The following DMD variants were observed in gnomAD, a reference collection of about 807,000 sequenced individuals.
DMD encodes the protein dystrophin.
DMD carries 63 observed loss-of-function variants against 330.1 expected under a neutral mutation model. The observed-to-expected ratio is 0.19, with a 90% CI of 0.16 to 0.24. The LOEUF (loss-of-function observed/expected upper bound fraction) is 0.24. Among genes scored for constraint, DMD ranks in the 10% least tolerant of loss-of-function variants. DMD has a pLI of 1.00. For missense variants in DMD, 3,344 were observed against 2,684.1 expected (o/e 1.25, Z -5.43); for synonymous variants, 1,223 against 959.8 (o/e 1.27, Z -5.07).
At chrX:31,278,169 T>C (rs948642851) in intron 62 of DMD, among the ~76,000 whole-genome samples, 1 of 111,366 alleles carries the variant, frequency 9.0e-6, no homozygotes, top group Non-Finnish European at 1.9e-5. Flanking sequence ...GGATGACATA[T>C]AAAATTAATT....
intron 44 of DMD, among the ~76,000 whole-genome samples, chrX:32,191,691 A>G (rs1169753476): frequency 8.9e-6 from 1 of 111,852 alleles, no homozygotes; most frequent in African/African-American, 3.2e-5. Context: ...AAAATGACAT[A>G]CTATTTCCAT....
At chrX:33,022,132 C>T (rs1003255889) in intron 1 of DMD, among the ~76,000 whole-genome samples, 2 of 111,194 alleles carry the variant, frequency 1.8e-5, no homozygotes, top group African/African-American at 3.3e-5. Flanking sequence ...CATGTGCATG[C>T]GTACTTTCTG....
intron 52 of DMD, among the ~76,000 whole-genome samples, chrX:31,685,605 C>G (rs367927456): frequency 9.0e-4 from 101 of 112,414 alleles, no homozygotes; most frequent in African/African-American, 3.1e-3. Flanking sequence ...AAGGCAAGGA[C>G]AGAATCTGTA....
chrX:31,270,724 G>A (rs1420347172), intron 62 of DMD, among the ~76,000 whole-genome samples: 1 of 112,084 alleles, frequency 8.9e-6, no homozygotes, highest in African/African-American at 3.2e-5. Context: ...ATTAAAGCAT[G>A]AGTGTGGCTC....
At chrX:32,218,734 C>A (rs1360152967) in intron 43 of DMD, among the ~76,000 whole-genome samples, 1 of 111,383 alleles carries the variant, frequency 9.0e-6, no homozygotes, top group East Asian at 2.8e-4. Context: ...ATTATTATTC[C>A]CATTTTCCAT....
At chrX:32,253,349 T>G (rs933002545) in intron 43 of DMD, among the ~76,000 whole-genome samples, 4 of 110,825 alleles carry the variant, frequency 3.6e-5, no homozygotes, top group Admixed American at 9.8e-5. Context: ...AAGTTTAAGT[T>G]CCACAATTAC....
intron 7 of DMD, among the ~76,000 whole-genome samples, chrX:32,776,483 G>A (rs1043435831): frequency 9.0e-6 from 1 of 111,321 alleles, no homozygotes; most frequent in South Asian, 3.8e-4. Flanking sequence ...CTACATGGGT[G>A]GGGAGGCCCC....
chrX:33,178,314 C>G (rs752072382), intron 1 of DMD, among the ~76,000 whole-genome samples: 39 of 111,768 alleles, frequency 3.5e-4, no homozygotes, highest in Admixed American at 1.1e-3. Context: ...GATGTTACAT[C>G]GAAGACCGAA....
chrX:32,550,119 A>T (rs1488218626), intron 16 of DMD, among the ~76,000 whole-genome samples: 1 of 111,833 alleles, frequency 8.9e-6, no homozygotes, highest in East Asian at 2.8e-4. Context: ...TATTGCTCCT[A>T]GCTACAAACC....
intron 1 of DMD, among the ~76,000 whole-genome samples, chrX:33,160,108 T>C (rs1052126267): frequency 1.8e-5 from 2 of 111,927 alleles, no homozygotes; most frequent in Admixed American, 9.5e-5. Context: ...TATTATAAAA[T>C]AGAATTTGAG....
In DMD at chrX:31,255,769, C is replaced by CTTTTT. The variant is rs146884145; in HGVS notation, c.9286+5181_9286+5185dup. ...CTTAGACACTTGTCCAATATCGTTA[C>CTTTTT]TTTTTTTTTTTTTTTTTTTTTTTGA... On this transcript the variant is annotated intron_variant, in intron 63 of 78. Coordinates refer to ENST00000357033, the MANE Select transcript of DMD (RefSeq NM_004006.3). Among the ~76,000 whole-genome samples the CTTTTT allele has an allele frequency of 1.6e-4, 8 of 50,817 alleles. 1 individual carries two copies. The highest frequency in any genetic ancestry group is 1.0e-4 in the African/African-American group (1 of 9,922). The allele number at this position is 50,817 out of a possible 115,157, so 44.1% of individuals were successfully genotyped here. A position where few individuals can be genotyped will look rare whatever the true frequency, so the allele number is the denominator to read the frequency against.
At chrX:32,171,443 T>G (rs1314225446) in intron 44 of DMD, among the ~76,000 whole-genome samples, 2 of 111,890 alleles carry the variant, frequency 1.8e-5, no homozygotes, top group African/African-American at 6.5e-5. Flanking sequence ...TTGTATTTAT[T>G]AATCCTTCTT....
chrX:32,828,088 G>A (rs2078873678), intron 4 of DMD, among the ~76,000 whole-genome samples: 1 of 111,429 alleles, frequency 9.0e-6, no homozygotes, highest in Non-Finnish European at 1.9e-5. Context: ...TGTATTCCAT[G>A]GTGTATATGT....
intron 1 of DMD, chrX:33,128,443 C>T: frequency 1.0e-6 from 1 of 952,392 alleles, no homozygotes; most frequent in Non-Finnish European, 1.3e-6. Flanking sequence ...CAAACACTCC[C>T]CTCTCACAGC....
chrX:33,291,382 C>T (rs2053509314), intron 1 of DMD, among the ~76,000 whole-genome samples: 1 of 110,936 alleles, frequency 9.0e-6, no homozygotes, highest in Admixed American at 9.7e-5. Context: ...TCCTATTCAA[C>T]ATAGTATTGG....
chrX:32,514,449 T>C (rs182797746), intron 18 of DMD, among the ~76,000 whole-genome samples: 175 of 111,978 alleles, frequency 1.6e-3, no homozygotes, highest in African/African-American at 5.5e-3. Flanking sequence ...TTTGTTAAAA[T>C]ATGTTGTTAG....
At chrX:31,358,459 T>C (rs2058771911) in intron 60 of DMD, among the ~76,000 whole-genome samples, 1 of 111,823 alleles carries the variant, frequency 8.9e-6, no homozygotes, top group Non-Finnish European at 1.9e-5. Context: ...TCAACTCTCT[T>C]TTTAATCCTC....
intron 9 of DMD, among the ~76,000 whole-genome samples, 158 bp from the exon 10 acceptor site, chrX:32,645,310 A>C (rs1336851384): frequency 8.9e-6 from 1 of 112,181 alleles, no homozygotes; most frequent in Non-Finnish European, 1.9e-5. Context: ...GGGAGTTTTC[A>C]TTTTAACTTC....
chrX:32,694,509 A>G (rs993652782), intron 9 of DMD, among the ~76,000 whole-genome samples: 2 of 112,062 alleles, frequency 1.8e-5, no homozygotes, highest in East Asian at 2.8e-4. Context: ...TAATTATTTC[A>G]TAAGTCACAT....
Sources: allele counts gnomAD v4.1 joint callset (sites outside exome capture counted in the v4.1 genomes callset), GRCh38; gene constraint gnomAD v4.1.1; transcripts MANE v1.5; gene names NCBI Gene and HGNC (gene_info 2026-07-23, HGNC 2026-07-21).